Variants in LMAN1L observed in about 807,000 individuals in gnomAD.
LMAN1L encodes lectin, mannose binding 1 like, also known as protein ERGIC-53-like.
In LMAN1L, 60 loss-of-function variants were observed where a neutral mutation model predicts 58.3. The ratio of observed to expected loss-of-function variants is 1.03; its 90% CI spans 0.84 to 1.27. The LOEUF (loss-of-function observed/expected upper bound fraction) is 1.27, where lower values mean the gene tolerates loss of function less well. LMAN1L is among the 50% of genes most tolerant of loss of function. The probability of loss-of-function intolerance (pLI) is 0.00; values close to 1 mark genes in which losing one functional copy is unlikely to be tolerated. For synonymous variants in LMAN1L, 280 were observed against 271.6 expected, an observed-to-expected ratio of 1.03 and a Z score of -0.31; for missense variants, 629 against 674.0, an observed-to-expected ratio of 0.93 and a Z score of 0.74.
Position 74,816,544 on chromosome 15 carries a change from G to T in LMAN1L, c.438+10G>T, listed in dbSNP as rs1263267674. Reference sequence around the variant, plus strand: ...GGCAGAGGATACTCAGGTGCGTAGTGGTCTCCTGCCTGCCAGCCCGCCTGC... The same window carrying T: ...GGCAGAGGATACTCAGGTGCGTAGTTGTCTCCTGCCTGCCAGCCCGCCTGC... On this transcript the variant is annotated intron_variant, in intron 3 of 13. Transcript: ENST00000309664. 1.3e-6 allele frequency: 2 copies of T among 1,573,606 alleles called. No homozygotes were observed. The highest frequency in any genetic ancestry group is 8.6e-7 in the Non-Finnish European group (1 of 1,157,566).
At position 74,825,580 on chromosome 15, in the gene LMAN1L, C is replaced by T. The variant is rs2063938321; in HGVS notation, c.1556C>T (p.Pro519Leu). The T allele has an allele frequency of 1.9e-6, 3 of 1,612,642 alleles. No homozygotes were observed. The highest frequency in any genetic ancestry group is 1.3e-5 in the African/African-American group (1 of 75,018). Residue 519 changes from proline (P) to leucine (L), a missense_variant, in exon 14 of 14, where the codon CCT (proline) becomes CTT (leucine). Transcript: ENST00000309664. ...GCCCTGGGGATTCTGAGGAGGCAGC[C>T]TCTCCCTGCCAGCATGCCTGCCTGA... ...PRALGILRRQ[P>L]LPASMPA
chr15:74,819,308 C>T (rs1158887078), intron 6 of LMAN1L, 36 bp downstream of exon 6: 8 of 1,606,558 alleles, frequency 5.0e-6, no homozygotes, highest in African/African-American at 4.0e-5. Flanking sequence ...AGCAGAAGGG[C>T]AGTGATGAAT....
At chr15:74,825,196 G>A in intron 13 of LMAN1L, 1 of 286,500 alleles carries the variant, frequency 3.5e-6, no homozygotes, top group Non-Finnish European at 6.7e-6. Flanking sequence ...GGAGTAAAAT[G>A]AGCTAAGCTT....
At chr15:74,813,407 G>A (rs1255868913) in intron 1 of LMAN1L, 7 of 462,974 alleles carry the variant, frequency 1.5e-5, no homozygotes, top group African/African-American at 4.0e-5. Flanking sequence ...CCACTCTCCC[G>A]GCTCCATCCC....
intron 13 of LMAN1L, chr15:74,824,892 G>A (rs770993113): frequency 9.1e-5 from 15 of 164,748 alleles, no homozygotes; most frequent in Non-Finnish European, 1.7e-4. Context: ...TAGAGGCAGA[G>A]GGAACAGCAT....
At chr15:74,816,844 G>GC (rs946203506) in intron 4 of LMAN1L, among the ~76,000 whole-genome samples, 154 bp downstream of exon 4, 5 of 152,098 alleles carry the variant, frequency 3.3e-5, no homozygotes, top group African/African-American at 9.7e-5. Context: ...GCCGACGTCC[G>GC]CCCCCCTGGG....
chr15:74,819,845 G>A lies in LMAN1L; in HGVS notation c.719-199G>A, dbSNP rs1250995079. The A allele has an allele frequency of 1.2e-4, 75 of 627,728 alleles. No homozygotes were observed. In the East Asian group the frequency reaches 2.0e-3, roughly 17 times the overall value. The allele number at this position is 627,728 out of a possible 1,614,324, so 38.9% of individuals were successfully genotyped here. On this transcript the variant is annotated intron_variant, in intron 6 of 13. Transcript: ENST00000309664. Reference sequence around the variant, plus strand: ...CAGGGGCCTGCCTCTGACTGAGTGTGAGGTTCAACCCTCACCACCCACCCG... The same window carrying A: ...CAGGGGCCTGCCTCTGACTGAGTGTAAGGTTCAACCCTCACCACCCACCCG...
intron 10 of LMAN1L, among the ~76,000 whole-genome samples, chr15:74,822,424 G>A (rs1277830387): frequency 6.6e-6 from 1 of 152,198 alleles, no homozygotes; most frequent in Non-Finnish European, 1.5e-5. Flanking sequence ...CCACTGTTGG[G>A]AGGAAACAAC....
intron 13 of LMAN1L, chr15:74,825,183 G>A (rs1208041293): frequency 4.0e-6 from 1 of 252,406 alleles, no homozygotes; most frequent in Non-Finnish European, 7.8e-6. Flanking sequence ...TGGTCCTGGA[G>A]GAGGAGTAAA....
chr15:74,824,856 C>G, intron 13 of LMAN1L: 1 of 175,512 alleles, frequency 5.7e-6, no homozygotes, highest in Non-Finnish European at 1.2e-5. Context: ...TAGGAGTTTT[C>G]CACCCTGACA....
In LMAN1L at chr15:74,820,691, A is replaced by G. The variant is rs748905874; in HGVS notation, c.831A>G (p.Glu277=). The G allele has an allele frequency of 6.2e-7, 1 of 1,613,924 alleles. No homozygotes were observed. Among genetic ancestry groups the G allele is most frequent in the Non-Finnish European group, 8.5e-7 (1 of 1,179,972 alleles). ...AGCTCCGCCTGGCGAGGCAGCTGGA[A>G]GGGCTGTGGGCAAGGCTGGGCTTGG... The part of the protein sequence containing the change: ...MQQLRLARQL[E]GLWARLGLGT... Residue 277 remains glutamate (E), a synonymous_variant, in exon 8 of 14, where the codon GAA becomes GAG. Transcript: ENST00000309664.
chr15:74,819,117 A>T, intron 5 of LMAN1L, 35 bp from the exon 6 acceptor site: 1 of 1,568,728 alleles, frequency 6.4e-7, no homozygotes, highest in Non-Finnish European at 8.7e-7. Context: ...AGGTAGGGAC[A>T]CCCCCCCACT....
intron 13 of LMAN1L, 148 bp from the exon 14 acceptor site, chr15:74,825,328 T>C (rs1367506906): frequency 1.4e-4 from 116 of 803,428 alleles, no homozygotes; most frequent in Non-Finnish European, 4.8e-5. Context: ...GTGGACCATA[T>C]GCAGCGGGCC....
intron 10 of LMAN1L, among the ~76,000 whole-genome samples, chr15:74,822,127 C>T (rs1368656857): frequency 2.2e-5 from 3 of 138,526 alleles, no homozygotes; most frequent in East Asian, 1.9e-4. Context: ...CTGACACCAT[C>T]GGGCAGATCA....
At position 74,820,723 on chromosome 15, in the gene LMAN1L, G is replaced by A. The variant is rs776720444; in HGVS notation, c.863G>A (p.Arg288Lys). 1 of 1,613,742 alleles carries A rather than the reference G, an allele frequency of 6.2e-7. No individual in the cohort carries two copies. The highest frequency in any genetic ancestry group is 1.1e-5 in the South Asian group (1 of 91,084). The stretch of plus-strand genomic sequence containing the variant: ...TGGGCAAGGCTGGGCTTGGGCACCA[G>A]GGAGGATGTAACTCCAAAATCAGAC... ...GLWARLGLGT[R>K]EDVTPKSDSE... Residue 288 changes from arginine to lysine, a missense_variant, in exon 8 of 14, where the codon AGG (arginine) becomes AAG (lysine). Arg to Lys is a conservative substitution (Grantham distance 26). Transcript: ENST00000309664.
Position 74,823,573 on chromosome 15 carries a change from G to T in LMAN1L, c.1214G>T (p.Arg405Leu), listed in dbSNP as rs543907196. 5.0e-6 allele frequency: 8 copies of T among 1,613,710 alleles called. No homozygotes were observed. Among genetic ancestry groups the T allele is most frequent in the Admixed American group, 1.7e-5 (1 of 59,978 alleles). Residue 405 changes from arginine to leucine, a missense_variant, in exon 12 of 14, where the codon CGC becomes CTC. This residue lies in a region of LMAN1L where 573 missense variants were observed against 597.3 expected (regional missense o/e 0.96). Transcript: ENST00000309664. Reference sequence around the variant, plus strand: ...CCCCCGGTTAGGGATGCAGCTGTCCGCATGGCTGCAGAAGCCCAGGTCTCC... The same window carrying T: ...CCCCCGGTTAGGGATGCAGCTGTCCTCATGGCTGCAGAAGCCCAGGTCTCC... ...ALQEMRDAAV[R>L]MAAEAQVSYL... is the part of the protein sequence containing the mutation.
rs1181352852 is a variant in LMAN1L at position 74,825,297 on chromosome 15, T to C, written c.1452-179T>C. The C allele has an allele frequency of 7.8e-6, 5 of 641,852 alleles. No individual in the cohort carries two copies. The East Asian group carries it at 1.3e-4, about 17-fold the overall frequency. The allele number at this position is 641,852 out of a possible 1,614,324, so 39.8% of individuals were successfully genotyped here. A position where few individuals can be genotyped will look rare whatever the true frequency, so the allele number is the denominator to read the frequency against. ...CAGCCTGGAGCCACTAGGACAGACC[T>C]TACATGCCCAGGGGGAAAGCGTGGA... is the stretch of plus-strand genomic sequence containing the variant. On this transcript the variant is annotated intron_variant, in intron 13 of 13. Transcript: ENST00000309664.
At chr15:74,819,502 G>A (rs2063907532) in intron 6 of LMAN1L, 2 of 558,314 alleles carry the variant, frequency 3.6e-6, no homozygotes, top group South Asian at 3.1e-5. Context: ...CTAGCTGTGA[G>A]TTGCGGGACA....
rs371165371 is a variant in LMAN1L, at chr15:74,817,528, C to A, written c.497+838C>A. Among the ~76,000 whole-genome samples the A allele has an allele frequency of 3.9e-5, 6 of 152,308 alleles. No individual in the cohort carries two copies. The East Asian group carries it at 7.7e-4, about 20-fold the overall frequency. The stretch of plus-strand genomic sequence containing the variant: ...GCCTGAGGTGTCCAGAGACACTCAG[C>A]GTTTAACACTCTTCTCCTGACTCCC... On this transcript the variant is annotated intron_variant, in intron 4 of 13. Transcript: ENST00000309664.
Sources: gnomAD v4.1 joint callset for allele counts (sites outside exome capture counted in the v4.1 genomes callset) on GRCh38, gnomAD v4.1.1 for gene constraint, gnomAD v4.1.1 regional missense constraint, MANE v1.5 for transcripts, NCBI Gene and HGNC (gene_info 2026-07-23, HGNC 2026-07-21) for gene names.